Variants in RBP4 observed in about 807,000 individuals in gnomAD.
The protein encoded by RBP4 is retinol-binding protein 4.
A neutral mutation model predicts 26.2 loss-of-function variants in RBP4; 9 were observed. The observed-to-expected ratio is 0.34, with a 90% CI of 0.21 to 0.60. RBP4 has a LOEUF of 0.60. Ranked by LOEUF, RBP4 falls within the 20% of genes least tolerant of loss-of-function variation. The pLI, the probability that RBP4 is intolerant of heterozygous loss-of-function variation, is 0.80. For missense variants in RBP4, 244 were observed against 271.3 expected (o/e 0.90, Z 0.71); for synonymous variants, 114 against 111.0 (o/e 1.03, Z -0.17).
Position 93,600,664 on chromosome 10 carries a change from G to A in RBP4, c.248+3C>T. On this transcript the variant is annotated splice_donor_region_variant and intron_variant, in intron 3 of 5. Coordinates refer to ENST00000371464, the MANE Select transcript of RBP4 (RefSeq NM_006744.4). ...GGGCGCAGCTGCCCCGGCGGCCACT[G>A]ACTTCAAAAGACGGACTCGGCCCTT... The A allele has an allele frequency of 2.5e-6, 4 of 1,611,906 alleles. No individual in the cohort carries two copies. The highest frequency in any genetic ancestry group is 3.4e-6 in the Non-Finnish European group (4 of 1,179,192).
At chr10:93,592,145 G>C in intron 5 of RBP4, 33 bp from the exon 6 acceptor site, 1 of 1,606,506 alleles carries the variant, frequency 6.2e-7, no homozygotes, top group Non-Finnish European at 8.5e-7. Context: ...ATTAACGACA[G>C]AAAGTGGACC....
upstream of RBP4, chr10:93,601,550 C>T: frequency 1.5e-6 from 1 of 662,334 alleles, no homozygotes; most frequent in Non-Finnish European, 2.7e-6. Flanking sequence ...GCCAGTGGCT[C>T]TGGCAGGAGG....
rs1485228137 is a variant in RBP4, at chr10:93,601,154, C to A, written c.-19+17G>T. 1.1e-5 allele frequency: 16 copies of A among 1,465,434 alleles called. No homozygotes were observed. The East Asian group carries it at 3.5e-4, about 32-fold the overall frequency. The allele number at this position is 1,465,434 out of a possible 1,614,324, so 90.8% of individuals were successfully genotyped here. A position where few individuals can be genotyped will look rare whatever the true frequency, so the allele number is the denominator to read the frequency against. On this transcript the variant is annotated intron_variant, in intron 1 of 5. Transcript: ENST00000371464. ...GCCCATCCCGCCGCCGGCCCCGAGG[C>A]CCCGGCCGCGACTCACCACCGGGAG... is the stretch of plus-strand genomic sequence containing the variant.
intron 4 of RBP4, among the ~76,000 whole-genome samples, chr10:93,594,461 A>G (rs1279128049): frequency 2.6e-5 from 4 of 152,084 alleles, no homozygotes; most frequent in Non-Finnish European, 2.9e-5. Flanking sequence ...TACCCCCAAT[A>G]TTGGCTTATG....
intron 4 of RBP4, among the ~76,000 whole-genome samples, chr10:93,594,567 C>T (rs75368895): frequency 0.012 from 1,756 of 152,330 alleles, 27 homozygotes; most frequent in African/African-American, 0.039. Context: ...CCCATGGTCA[C>T]GGCTTCTCTG....
intron 4 of RBP4, among the ~76,000 whole-genome samples, chr10:93,596,454 G>T (rs1013340730): frequency 2.6e-5 from 4 of 152,338 alleles, no homozygotes; most frequent in African/African-American, 9.6e-5. Context: ...CCAGAGCACT[G>T]CGAGAATGAG....
intron 5 of RBP4, among the ~76,000 whole-genome samples, chr10:93,593,412 T>A (rs1165586280): frequency 6.6e-6 from 1 of 152,222 alleles, no homozygotes; most frequent in Admixed American, 6.5e-5. Context: ...ACTACATTGA[T>A]GCCCCCTGTG....
chr10:93,597,236 T>C (rs926629866), intron 4 of RBP4, among the ~76,000 whole-genome samples: 4 of 152,204 alleles, frequency 2.6e-5, no homozygotes, highest in African/African-American at 9.7e-5. Context: ...AACACTAATG[T>C]AAACATTCAG....
At chr10:93,596,595 T>C (rs1251971365) in intron 4 of RBP4, among the ~76,000 whole-genome samples, 2 of 152,210 alleles carry the variant, frequency 1.3e-5, no homozygotes, top group African/African-American at 2.4e-5. Context: ...TTGGAGGCAG[T>C]GGCTGTGTGG....
chr10:93,601,181 G>C lies in RBP4; in HGVS notation c.-29C>G. 8 of 1,394,636 alleles carry C rather than the reference G, an allele frequency of 5.7e-6. No individual in the cohort carries two copies. Among genetic ancestry groups the C allele is most frequent in the Non-Finnish European group, 7.4e-6 (8 of 1,085,048 alleles). The allele number at this position is 1,394,636 out of a possible 1,614,324, so 86.4% of individuals were successfully genotyped here. A position where few individuals can be genotyped will look rare whatever the true frequency, so the allele number is the denominator to read the frequency against. On this transcript the variant is annotated 5_prime_UTR_variant, in exon 1 of 6. Coordinates refer to ENST00000371464, the MANE Select transcript of RBP4 (RefSeq NM_006744.4). ...CCGGCCGCGACTCACCACCGGGAGGGGAACCGCGCGCAAGCCTGGCCGCCG... is the reference window on the plus strand; with the variant it reads ...CCGGCCGCGACTCACCACCGGGAGGCGAACCGCGCGCAAGCCTGGCCGCCG...
rs550521406 is a variant in RBP4 at position 93,592,665 on chromosome 10, C to T, written c.569-553G>A. Among the ~76,000 whole-genome samples, 46 of 152,262 alleles carry T rather than the reference C, an allele frequency of 3.0e-4. No individual in the cohort carries two copies. The South Asian group carries it at 5.8e-3, about 19-fold the overall frequency. On this transcript the variant is annotated intron_variant, in intron 5 of 5. Coordinates refer to ENST00000371464, the MANE Select transcript of RBP4 (RefSeq NM_006744.4). Reference sequence around the variant, plus strand: ...TACAATGTGCATAATCTGCTTCCTACGGTGCCCTGCTGTGGTGGAATCCTT... The same window carrying T: ...TACAATGTGCATAATCTGCTTCCTATGGTGCCCTGCTGTGGTGGAATCCTT...
chr10:93,600,889 C>T, intron 2 of RBP4, 29 bp downstream of exon 2: 1 of 1,610,488 alleles, frequency 6.2e-7, no homozygotes, highest in Non-Finnish European at 8.5e-7. Context: ...GGGACCTGGG[C>T]CGCCTGGGCC....
Position 93,593,731 on chromosome 10 carries a change from C to T in RBP4, c.568+92G>A, listed in dbSNP as rs10882275. The T allele has an allele frequency of 0.15, 209,768 of 1,405,670 alleles. 17,436 individuals carry two copies. The highest frequency in any genetic ancestry group is 0.17 in the Non-Finnish European group (168,869 of 1,003,892). The allele number at this position is 1,405,670 out of a possible 1,614,324, so 87.1% of individuals were successfully genotyped here. ...AAGAACCCCTGTTTTCTCTGGGGTA[C>T]GGACAAAATGAATTTCACTAGCACG... On this transcript the variant is annotated intron_variant, in intron 5 of 5. Transcript: ENST00000371464.
chr10:93,594,411 T>C (rs2134568536), intron 4 of RBP4, among the ~76,000 whole-genome samples: 1 of 152,256 alleles, frequency 6.6e-6, no homozygotes, highest in South Asian at 2.1e-4. Flanking sequence ...ATAATATCTG[T>C]GTCTTTTGTG....
At chr10:93,601,356 A>G, upstream of RBP4, 1 of 1,243,860 alleles carries the variant, frequency 8.0e-7, no homozygotes, top group Non-Finnish European at 1.0e-6. Flanking sequence ...ACGCGCCCTG[A>G]CTCACCGGAG....
At chr10:93,601,539 G>A, upstream of RBP4, 1 of 655,314 alleles carries the variant, frequency 1.5e-6, no homozygotes, top group Non-Finnish European at 2.7e-6. Flanking sequence ...TGGCCTCCGG[G>A]GCCAGTGGCT....
chr10:93,598,610 G>A (rs1223461845), intron 4 of RBP4, among the ~76,000 whole-genome samples: 2 of 152,196 alleles, frequency 1.3e-5, no homozygotes, highest in African/African-American at 2.4e-5. Flanking sequence ...ATGAAATCCT[G>A]ATAAAATACC....
intron 4 of RBP4, among the ~76,000 whole-genome samples, chr10:93,598,864 T>A (rs2058317782): frequency 6.6e-6 from 1 of 152,256 alleles, no homozygotes; most frequent in Admixed American, 6.5e-5. Context: ...AAGTATATTT[T>A]ACTCTAAATA....
chr10:93,592,398 T>G lies in RBP4; in HGVS notation c.569-286A>C, dbSNP rs146411448. Among the ~76,000 whole-genome samples, 981 of 152,304 alleles carry G rather than the reference T, an allele frequency of 6.4e-3. 8 individuals carry two copies. The highest frequency in any genetic ancestry group is 0.021 in the African/African-American group (891 of 41,570). Reference sequence around the variant, plus strand: ...TTGATTTCTCTTAAGTCTGCCTTATTGCATTTCAAAGTGTCGGAGGCCACC... The same window carrying G: ...TTGATTTCTCTTAAGTCTGCCTTATGGCATTTCAAAGTGTCGGAGGCCACC... On this transcript the variant is annotated intron_variant, in intron 5 of 5. Coordinates refer to ENST00000371464, the MANE Select transcript of RBP4 (RefSeq NM_006744.4).
Sources: allele counts gnomAD v4.1 joint callset (sites outside exome capture counted in the v4.1 genomes callset), GRCh38; gene constraint gnomAD v4.1.1; transcripts MANE v1.5; gene names NCBI Gene and HGNC (gene_info 2026-07-23, HGNC 2026-07-21).